The following LINC00237 variants were observed in gnomAD, a reference collection of about 807,000 sequenced individuals.
LINC00237 encodes long independently transcribed non-coding RNA 237.
At chr20:21,094,411 A>T (rs1284762110) in intron 1 of LINC00237, among the ~76,000 whole-genome samples, 1 of 152,234 alleles carries the variant, frequency 6.6e-6, no homozygotes, top group African/African-American at 2.4e-5. Flanking sequence ...AAGTGTCACA[A>T]GACAGTAAAT....
chr20:21,089,480 T>A (rs2030762142), intron 2 of LINC00237, among the ~76,000 whole-genome samples: 1 of 152,074 alleles, frequency 6.6e-6, no homozygotes, highest in Non-Finnish European at 1.5e-5. Context: ...TATTCATGAA[T>A]CACCCCGGGC....
intron 1 of LINC00237, among the ~76,000 whole-genome samples, chr20:21,102,714 G>A (rs866048991): frequency 1.3e-4 from 17 of 130,022 alleles, no homozygotes; most frequent in African/African-American, 8.4e-5. Context: ...AAAAAAAAAA[G>A]GAGGGGGAGA....
chr20:21,095,758 C>T (rs543769305), intron 1 of LINC00237, among the ~76,000 whole-genome samples: 3 of 152,162 alleles, frequency 2.0e-5, no homozygotes, highest in Non-Finnish European at 4.4e-5. Context: ...TCTACATCAG[C>T]GTGTACCAGC....
intron 1 of LINC00237, among the ~76,000 whole-genome samples, chr20:21,104,089 A>T (rs2076931106): frequency 6.6e-6 from 1 of 152,070 alleles, no homozygotes; most frequent in Admixed American, 6.5e-5. Flanking sequence ...CTGGAAAACA[A>T]ATGTAATTCC....
intron 1 of LINC00237, among the ~76,000 whole-genome samples, chr20:21,099,665 T>TA (rs1363958597): frequency 2.0e-5 from 3 of 152,128 alleles, no homozygotes; most frequent in East Asian, 1.9e-4. Flanking sequence ...CCTTCTTTTT[T>TA]TATATATATA....
At chr20:21,105,193 A>G (rs1322130231) in intron 1 of LINC00237, among the ~76,000 whole-genome samples, 2 of 152,144 alleles carry the variant, frequency 1.3e-5, no homozygotes, top group African/African-American at 4.8e-5. Flanking sequence ...AAATCCAGCC[A>G]GCACAGCCTG....
exon 1 of LINC00237, chr20:21,106,323 G>T (rs375313471): frequency 6.6e-6 from 1 of 152,252 alleles, no homozygotes; most frequent in East Asian, 1.9e-4. Flanking sequence ...CACTGTGCAC[G>T]GGAAGAGGGG....
chr20:21,100,750 C>T (rs1032672678), intron 1 of LINC00237, among the ~76,000 whole-genome samples: 2 of 152,192 alleles, frequency 1.3e-5, no homozygotes, highest in African/African-American at 4.8e-5. Flanking sequence ...AACACCAGGG[C>T]TTTGTCTGAG....
chr20:21,092,474 T>A (rs1463001586), intron 2 of LINC00237, among the ~76,000 whole-genome samples: 1 of 152,202 alleles, frequency 6.6e-6, no homozygotes, highest in Non-Finnish European at 1.5e-5. Context: ...ACTTTGAGGT[T>A]GAATGCCCTA....
In LINC00237 at chr20:21,095,837, C is replaced by T. The variant is rs1298152593; in HGVS notation, n.89-1985G>A. Among the ~76,000 whole-genome samples the T allele has an allele frequency of 2.6e-5, 4 of 152,344 alleles. No individual in the cohort carries two copies. The East Asian group carries it at 7.7e-4, about 29-fold the overall frequency. ...TTTTTCTTGGCCCCTGAAGCTCACT[C>T]TGCTTATGCAACAGGCCAGAAGTGC... On this transcript the variant is annotated intron_variant and non_coding_transcript_variant, in intron 1 of 3. Coordinates refer to ENST00000691244, the Ensembl canonical transcript of LINC00237.
At chr20:21,098,423 G>T (rs1164937101) in intron 1 of LINC00237, among the ~76,000 whole-genome samples, 1 of 152,210 alleles carries the variant, frequency 6.6e-6, no homozygotes, top group African/African-American at 2.4e-5. Flanking sequence ...AATGTGCCCG[G>T]TAGAAATGCT....
Position 21,101,928 on chromosome 20 carries a change from G to A in LINC00237, n.88+4343C>T, listed in dbSNP as rs2030937958. On this transcript the variant is annotated intron_variant and non_coding_transcript_variant, in intron 1 of 3. Transcript: ENST00000691244. The surrounding 1 kb of genome is among the most constrained non-coding windows in gnomAD (Gnocchi z 4.3). The stretch of plus-strand genomic sequence containing the variant: ...AGGGCGCGACCGCCTTGGGGCAGGG[G>A]CGGCGATGGAGTAGCTCCGGGCTCT... 6.6e-6 allele frequency among the ~76,000 whole-genome samples: 1 copy of A among 152,230 alleles called. No individual in the cohort carries two copies. Among genetic ancestry groups the A allele is most frequent in the South Asian group, 2.1e-4 (1 of 4,836 alleles).
At chr20:21,099,512 C>T (rs559556962) in intron 1 of LINC00237, among the ~76,000 whole-genome samples, 1 of 152,178 alleles carries the variant, frequency 6.6e-6, no homozygotes, top group Admixed American at 6.5e-5. Context: ...AAACACAGCT[C>T]CCTATCCCCA....
intron 1 of LINC00237, among the ~76,000 whole-genome samples, chr20:21,102,919 G>T (rs1300097052): frequency 6.6e-6 from 1 of 152,192 alleles, no homozygotes; most frequent in East Asian, 1.9e-4. Flanking sequence ...CTCTGGACTC[G>T]GTGCTGAAGC....
intron 2 of LINC00237, among the ~76,000 whole-genome samples, chr20:21,092,551 A>G (rs1454615870): frequency 6.6e-6 from 1 of 152,228 alleles, no homozygotes; most frequent in East Asian, 1.9e-4. Context: ...TGTTATTTCA[A>G]TGATTAAAGA....
At chr20:21,089,951 T>A (rs1276356006) in intron 2 of LINC00237, 1 of 152,236 alleles carries the variant, frequency 6.6e-6, no homozygotes, top group South Asian at 2.1e-4. Context: ...TTATTTGTAA[T>A]GAAATACAGC....
chr20:21,086,957 AT>A (rs1402256210), intron 3 of LINC00237, among the ~76,000 whole-genome samples: 1 of 141,932 alleles, frequency 7.0e-6, no homozygotes, highest in Non-Finnish European at 1.5e-5. Context: ...TATATGTACT[AT>A]AGTATATATA....
chr20:21,086,500 G>A (rs868634686), intron 3 of LINC00237, among the ~76,000 whole-genome samples: 21 of 145,798 alleles, frequency 1.4e-4, no homozygotes, highest in Admixed American at 2.8e-4. Context: ...TATATATAGA[G>A]AGAGATACAT....
rs79349257 is a variant in LINC00237 at position 21,091,806 on chromosome 20, T to C, written n.472+1663A>G. ...GCATATATCCTTGGCAATGGGCACA[T>C]ATTAATATGATGAGTGAACTGAAAC... On this transcript the variant is annotated intron_variant and non_coding_transcript_variant, in intron 2 of 3. Transcript: ENST00000691244. 9.9e-3 allele frequency among the ~76,000 whole-genome samples: 1,512 copies of C among 152,310 alleles called. 23 individuals are homozygous for C. The highest frequency in any genetic ancestry group is 0.035 in the African/African-American group (1,435 of 41,554).
Sources: gnomAD v4.1 joint callset for allele counts (sites outside exome capture counted in the v4.1 genomes callset) on GRCh38, gnomAD v4.1.1 for gene constraint, Gnocchi (gnomAD v3.1) non-coding constraint, MANE v1.5 for transcripts, NCBI Gene and HGNC (gene_info 2026-07-23, HGNC 2026-07-21) for gene names.